CPSF4: variants seen among roughly 807,000 people sequenced by gnomAD.
CPSF4 encodes cleavage and polyadenylation specificity factor subunit 4.
A neutral mutation model predicts 37.7 loss-of-function variants in CPSF4; 11 were observed. The ratio of observed to expected loss-of-function variants is 0.29; its 90% CI spans 0.18 to 0.48. The LOEUF is 0.48. Ranked by LOEUF, CPSF4 falls within the 20% of genes least tolerant of loss-of-function variation. The probability of loss-of-function intolerance (pLI) is 0.99; values close to 1 mark genes in which losing one functional copy is unlikely to be tolerated. For synonymous variants in CPSF4, 132 were observed against 135.9 expected (o/e 0.97, Z 0.20); for missense variants, 144 against 359.5 (o/e 0.40, Z 4.85).
At position 99,439,078 on chromosome 7, in the gene CPSF4, C is replaced by T. The variant is rs1796633287; in HGVS notation, c.-5C>T. 1.9e-6 allele frequency: 3 copies of T among 1,606,628 alleles called. No homozygotes were observed. Among genetic ancestry groups the T allele is most frequent in the East Asian group, 2.3e-5 (1 of 44,290 alleles). ...AGCCGGGCCGGTGGGGCCGCCGCCG[C>T]CGCCATGCAGGAAATCATCGCCAGC... On this transcript the variant is annotated 5_prime_UTR_variant, in exon 1 of 8. Coordinates refer to ENST00000292476, the MANE Select transcript of CPSF4 (RefSeq NM_006693.4).
intron 2 of CPSF4, among the ~76,000 whole-genome samples, chr7:99,446,458 A>C (rs1584496776): frequency 6.6e-6 from 1 of 151,726 alleles, no homozygotes; most frequent in African/African-American, 2.4e-5. Context: ...TTCTGGTCGG[A>C]CCTCCATGGT....
At chr7:99,443,533 T>C (rs1797211912) in intron 1 of CPSF4, 1 of 664,644 alleles carries the variant, frequency 1.5e-6, no homozygotes, top group South Asian at 1.6e-5. Flanking sequence ...TTAATAATTG[T>C]ATGTGGGGTG....
intron 1 of CPSF4, among the ~76,000 whole-genome samples, chr7:99,442,294 C>G (rs950876313): frequency 2.0e-5 from 3 of 152,168 alleles, no homozygotes; most frequent in Non-Finnish European, 4.4e-5. Context: ...CCACTGAATT[C>G]CAGCACACTC....
chr7:99,447,180 C>T (rs1797579416), intron 2 of CPSF4, among the ~76,000 whole-genome samples: 1 of 151,694 alleles, frequency 6.6e-6, no homozygotes, highest in African/African-American at 2.4e-5. Context: ...AACTTCTTGG[C>T]TCAAGTGATT....
rs767513910 is a variant in CPSF4 at position 99,450,835 on chromosome 7, GC to G, written c.497+43del. On this transcript the variant is annotated intron_variant, in intron 5 of 7. Coordinates refer to ENST00000292476, the MANE Select transcript of CPSF4 (RefSeq NM_006693.4). ...GCTCCGCCCTCTACCCCAGCTCCCGGCCCAGGCCCTGCTGCCCTCCGTATCT... is the reference window on the plus strand; with the variant it reads ...GCTCCGCCCTCTACCCCAGCTCCCGGCCAGGCCCTGCTGCCCTCCGTATCT... 1.8e-5 allele frequency: 26 copies of G among 1,480,408 alleles called. No individual in the cohort carries two copies. The African/African-American group carries it at 3.2e-4, about 18-fold the overall frequency. The allele number at this position is 1,480,408 out of a possible 1,614,324, so 91.7% of individuals were successfully genotyped here.
Position 99,454,110 on chromosome 7 carries a change from C to T in CPSF4, c.715C>T (p.Pro239Ser), listed in dbSNP as rs759444775. ...CAGCGCGGGCAACCGGGGACCCCGG[C>T]CACTGGAGCAGGTCACCTGTTACAA... is the stretch of plus-strand genomic sequence containing the variant. ...NSSAGNRGPR[P>S]LEQVTCYKCG... The change falls in exon 7 of 8, where the codon CCA (proline) becomes TCA (serine). Residue 239 changes from proline (P) to serine (S), a missense_variant. Physicochemically the swap from Pro to Ser is moderately conservative, Grantham distance 74. Transcript: ENST00000292476. 6.2e-7 allele frequency: 1 copy of T among 1,613,912 alleles called. No individual in the cohort carries two copies. Among genetic ancestry groups the T allele is most frequent in the South Asian group, 1.1e-5 (1 of 91,044 alleles).
chr7:99,442,205 T>A (rs1204256801), intron 1 of CPSF4, among the ~76,000 whole-genome samples: 1 of 152,180 alleles, frequency 6.6e-6, no homozygotes, highest in African/African-American at 2.4e-5. Context: ...GGAAACTGTT[T>A]CTGATGCCAA....
Position 99,438,995 on chromosome 7 carries a change from T to TG in CPSF4, c.-87dup. Reference sequence around the variant, plus strand: ...GCGGCGAGGCGAAGCGAAGGAGGAGTGTGTGCGGCGGGGCCGGCGGCGGGT... The same window carrying TG: ...GCGGCGAGGCGAAGCGAAGGAGGAGTGGTGTGCGGCGGGGCCGGCGGCGGGT... On this transcript the variant is annotated 5_prime_UTR_variant, in exon 1 of 8. Coordinates refer to ENST00000292476, the MANE Select transcript of CPSF4 (RefSeq NM_006693.4). 4 of 1,293,730 alleles carry TG rather than the reference T, an allele frequency of 3.1e-6. No homozygotes were observed. The highest frequency in any genetic ancestry group is 4.0e-6 in the Non-Finnish European group (4 of 988,910). The allele number at this position is 1,293,730 out of a possible 1,614,324, so 80.1% of individuals were successfully genotyped here. A position where few individuals can be genotyped will look rare whatever the true frequency, so the allele number is the denominator to read the frequency against.
In CPSF4 at chr7:99,453,726, A is replaced by C; in HGVS notation, c.571-240A>C. ...CCAGAGACCTCCTCTTGTCTCTTTG[A>C]TGTTTTGTTTTCTATTTTATTTTTC... is the stretch of plus-strand genomic sequence containing the variant. On this transcript the variant is annotated intron_variant, in intron 6 of 7. Transcript: ENST00000292476. The surrounding 1 kb of genome is among the most constrained non-coding windows in gnomAD (Gnocchi z 4.7). The C allele has an allele frequency of 2.1e-6, 1 of 485,964 alleles. No individual in the cohort carries two copies. The highest frequency in any genetic ancestry group is 3.6e-6 in the Non-Finnish European group (1 of 274,388). The allele number at this position is 485,964 out of a possible 1,614,324, so 30.1% of individuals were successfully genotyped here.
intron 1 of CPSF4, among the ~76,000 whole-genome samples, chr7:99,439,965 C>T (rs1001792642): frequency 2.0e-5 from 3 of 152,130 alleles, no homozygotes; most frequent in Non-Finnish European, 4.4e-5. Context: ...CTTCACTGCT[C>T]CCCTTCATAT....
Position 99,439,113 on chromosome 7 carries a change from A to G in CPSF4, c.31A>G (p.Ile11Val). Residue 11 changes from isoleucine to valine, a missense_variant, in exon 1 of 8, where the codon ATC (isoleucine) becomes GTC (valine). By Grantham distance (29) the Ile-to-Val change is conservative. Coordinates refer to ENST00000292476, the MANE Select transcript of CPSF4 (RefSeq NM_006693.4). MQEIIASVDH[I>V]KFDLEIAVEQ... ...GGAAATCATCGCCAGCGTGGACCACATCAAGTTTGACTTGGAGATCGCGGT... is the reference window on the plus strand; with the variant it reads ...GGAAATCATCGCCAGCGTGGACCACGTCAAGTTTGACTTGGAGATCGCGGT... 6.2e-7 allele frequency: 1 copy of G among 1,611,636 alleles called. No homozygotes were observed. The highest frequency in any genetic ancestry group is 1.1e-5 in the South Asian group (1 of 90,936).
At chr7:99,442,655 CAAAAAA>C (rs751146641) in intron 1 of CPSF4, among the ~76,000 whole-genome samples, 7 of 52,500 alleles carry the variant, frequency 1.3e-4, no homozygotes, top group African/African-American at 4.5e-4. Context: ...GACTCCGTCT[CAAAAAA>C]AAAAAAAAAA....
intron 7 of CPSF4, among the ~76,000 whole-genome samples, chr7:99,455,244 T>C (rs1426213603): frequency 6.6e-6 from 1 of 152,184 alleles, no homozygotes; most frequent in Non-Finnish European, 1.5e-5. Flanking sequence ...TCAGAGACAC[T>C]TCATGTAAGT....
At chr7:99,450,504 C>A in intron 4 of CPSF4, 133 bp downstream of exon 4, 1 of 744,700 alleles carries the variant, frequency 1.3e-6, no homozygotes, top group Non-Finnish European at 2.3e-6. Flanking sequence ...CTTTCTCACA[C>A]TCCTCATCTC....
chr7:99,445,575 G>A (rs1040093403), intron 2 of CPSF4, among the ~76,000 whole-genome samples: 2 of 152,108 alleles, frequency 1.3e-5, no homozygotes, highest in Non-Finnish European at 2.9e-5. Flanking sequence ...ATGTGGGCCG[G>A]GCTAATCCAT....
In CPSF4 at chr7:99,444,814, C is replaced by T. The variant is rs770988515; in HGVS notation, c.129C>T (p.Phe43=). Residue 43 remains phenylalanine, a synonymous_variant, in exon 2 of 8, where the codon TTC becomes TTT. Transcript: ENST00000292476. ...MDKSGAAVCE[F]FLKAACGKGG... is the part of the protein sequence containing the mutation. ...AGTCGGGCGCTGCTGTCTGTGAATT[C>T]TTTTTGAAAGCTGCCTGCGGCAAAG... is the stretch of plus-strand genomic sequence containing the variant. 2 of 1,613,848 alleles carry T rather than the reference C, an allele frequency of 1.2e-6. No homozygotes were observed. Among genetic ancestry groups the T allele is most frequent in the Admixed American group, 3.3e-5 (2 of 60,012 alleles).
At chr7:99,452,714 C>T (rs1392400331) in intron 6 of CPSF4, 2 of 416,676 alleles carry the variant, frequency 4.8e-6, no homozygotes, top group African/African-American at 4.0e-5. Context: ...TGAGATGGGG[C>T]TAACCTGGTT....
chr7:99,453,872 C>A lies in CPSF4; in HGVS notation c.571-94C>A. 8.2e-7 allele frequency: 1 copy of A among 1,226,212 alleles called. No individual in the cohort carries two copies. The highest frequency in any genetic ancestry group is 1.4e-5 in the South Asian group (1 of 70,528). 76.0% of individuals were successfully genotyped at this position (1,226,212 alleles called of 1,614,324 possible). A position where few individuals can be genotyped will look rare whatever the true frequency, so the allele number is the denominator to read the frequency against. Reference sequence around the variant, plus strand: ...TGGAAGCCCTGCTTCCTGCCGTTTGCGGGACGAGTCCCGCCCTCTTTTTTC... The same window carrying A: ...TGGAAGCCCTGCTTCCTGCCGTTTGAGGGACGAGTCCCGCCCTCTTTTTTC... On this transcript the variant is annotated intron_variant, in intron 6 of 7. Transcript: ENST00000292476. The surrounding 1 kb of genome is among the most constrained non-coding windows in gnomAD (Gnocchi z 4.7).
intron 5 of CPSF4, among the ~76,000 whole-genome samples, chr7:99,452,095 T>G (rs1340498154): frequency 2.6e-5 from 4 of 151,972 alleles, no homozygotes. Flanking sequence ...CGAGAAGCAC[T>G]GGCCATGAGT....
Sources: allele counts gnomAD v4.1 joint callset (sites outside exome capture counted in the v4.1 genomes callset), GRCh38; gene constraint gnomAD v4.1.1; non-coding constraint Gnocchi (gnomAD v3.1); transcripts MANE v1.5; gene names NCBI Gene and HGNC (gene_info 2026-07-23, HGNC 2026-07-21).